The following ZNF251 variants were observed in gnomAD, a reference collection of about 807,000 sequenced individuals.
ZNF251 encodes the protein zinc finger protein 251.
In ZNF251, 14 loss-of-function variants were observed where a neutral mutation model predicts 13.5. That is an observed-to-expected ratio of 1.04 (90% CI 0.69 to 1.63). The LOEUF (loss-of-function observed/expected upper bound fraction) is 1.63. Ranked by LOEUF, ZNF251 falls within the 40% of genes most tolerant of loss-of-function variation. ZNF251 has a pLI of 0.00. For missense variants in ZNF251, 764 were observed against 834.9 expected, an observed-to-expected ratio of 0.92 and a Z score of 1.05; for synonymous variants, 287 against 295.2, an observed-to-expected ratio of 0.97 and a Z score of 0.28.
intron 4 of ZNF251, among the ~76,000 whole-genome samples, chr8:144,744,009 C>CTTTTTTTTTTTT (rs1168495446): frequency 1.1e-5 from 1 of 88,816 alleles, no homozygotes; most frequent in African/African-American, 5.0e-5. Context: ...CTCTCGTTGT[C>CTTTTTTTTTTTT]TTTTTTTTTT....
chr8:144,745,121 T>C (rs1325536940), intron 4 of ZNF251, among the ~76,000 whole-genome samples: 1 of 150,892 alleles, frequency 6.6e-6, no homozygotes, highest in African/African-American at 2.4e-5. Flanking sequence ...GCACTCAGCT[T>C]GTGGTTTTAA....
At chr8:144,730,308 T>C (rs1823656656) in intron 4 of ZNF251, among the ~76,000 whole-genome samples, 1 of 152,214 alleles carries the variant, frequency 6.6e-6, no homozygotes. Flanking sequence ...CGCGTGCCGC[T>C]GCGACGGGGC....
chr8:144,722,058 A>T lies in ZNF251; in HGVS notation c.1602T>A (p.Asp534Glu). 1 of 1,613,726 alleles carries T rather than the reference A, an allele frequency of 6.2e-7. No individual in the cohort carries two copies. Among genetic ancestry groups the T allele is most frequent in the Non-Finnish European group, 8.5e-7 (1 of 1,179,776 alleles). Residue 534 changes from aspartate (D) to glutamate (E), a missense_variant, in exon 5 of 5, where the codon GAT becomes GAA. Asp to Glu is a conservative substitution (Grantham distance 45). Transcript: ENST00000292562. The surrounding 1 kb of genome is among the most constrained non-coding windows in gnomAD (Gnocchi z 4.8). Reference protein sequence around the residue: ...AFVHGSSLTADGQIPTGEKHG... With the variant: ...AFVHGSSLTAEGQIPTGEKHG... Reference sequence around the variant, plus strand: ...GCTTCTCTCCAGTGGGAATCTGTCCATCTGCTGTGAGGCTGGAGCCATGAA... The same window carrying T: ...GCTTCTCTCCAGTGGGAATCTGTCCTTCTGCTGTGAGGCTGGAGCCATGAA...
intron 1 of ZNF251, 153 bp from the exon 2 acceptor site, chr8:144,754,956 C>A: frequency 7.1e-7 from 1 of 1,403,030 alleles, no homozygotes; most frequent in Non-Finnish European, 9.2e-7. Context: ...CTCAGTGACT[C>A]CTGAAATCCC....
rs1392524070 is a variant in ZNF251, at chr8:144,723,266, C to T, written c.394G>A (p.Glu132Lys). ...RLLRDNAQAA[E>K]FREAWGREGK... The stretch of plus-strand genomic sequence containing the variant: ...TCACGGCCCCATGCTTCCCGAAACT[C>T]AGCGGCCTGTGCATTATCCCTTAAG... The change falls in exon 5 of 5, where the codon GAG (glutamate) becomes AAG (lysine). Residue 132 changes from glutamate to lysine, a missense_variant. Transcript: ENST00000292562. 7 of 1,612,948 alleles carry T rather than the reference C, an allele frequency of 4.3e-6. No individual in the cohort carries two copies. The South Asian group carries it at 6.6e-5, about 15-fold the overall frequency.
At chr8:144,738,596 G>C in intron 4 of ZNF251, 2 of 985,446 alleles carry the variant, frequency 2.0e-6, no homozygotes, top group African/African-American at 3.5e-5. Flanking sequence ...TGGCAGCCTC[G>C]TGATGCAACA....
intron 4 of ZNF251, among the ~76,000 whole-genome samples, chr8:144,739,672 G>A (rs1824068799): frequency 6.6e-6 from 1 of 152,096 alleles, no homozygotes; most frequent in African/African-American, 2.4e-5. Context: ...GCCAAGGCAG[G>A]TAAATTGCTT....
At position 144,724,734 on chromosome 8, in the gene ZNF251, A is replaced by G. The variant is rs1029468157; in HGVS notation, c.278-1352T>C. On this transcript the variant is annotated intron_variant, in intron 4 of 4. Transcript: ENST00000292562. Reference sequence around the variant, plus strand: ...AAAACTATTCACATAATGGAATACAATTCTACCATTATTATAATAGAAAGA... The same window carrying G: ...AAAACTATTCACATAATGGAATACAGTTCTACCATTATTATAATAGAAAGA... Among the ~76,000 whole-genome samples, 4 of 152,224 alleles carry G rather than the reference A, an allele frequency of 2.6e-5. No homozygotes were observed. In the East Asian group the frequency reaches 7.7e-4, roughly 29 times the overall value.
intron 4 of ZNF251, among the ~76,000 whole-genome samples, chr8:144,726,004 C>T (rs1476706276): frequency 6.6e-6 from 1 of 151,846 alleles, no homozygotes; most frequent in African/African-American, 2.4e-5. Flanking sequence ...TGAGACCAAC[C>T]TGGCCAACAT....
At chr8:144,753,500 C>A in intron 4 of ZNF251, 183 bp downstream of exon 4, 1 of 554,402 alleles carries the variant, frequency 1.8e-6, no homozygotes, top group Non-Finnish European at 3.2e-6. Flanking sequence ...AAGAAACAGA[C>A]CAGCAAGATA....
chr8:144,753,531 C>A, intron 4 of ZNF251, 152 bp downstream of exon 4: 1 of 592,422 alleles, frequency 1.7e-6, no homozygotes, highest in South Asian at 2.1e-5. Context: ...AGCATGTGCA[C>A]ATGCTCACAT....
intron 4 of ZNF251, among the ~76,000 whole-genome samples, chr8:144,733,603 G>GT (rs1449137061): frequency 6.6e-6 from 1 of 152,108 alleles, no homozygotes; most frequent in Non-Finnish European, 1.5e-5. Context: ...CTCCTTGGAC[G>GT]TGTTTGCTTC....
intron 4 of ZNF251, among the ~76,000 whole-genome samples, chr8:144,751,642 A>T (rs1316101350): frequency 6.6e-6 from 1 of 152,256 alleles, no homozygotes; most frequent in Non-Finnish European, 1.5e-5. Flanking sequence ...GGCCGGAAAG[A>T]GGAATTTAAA....
In ZNF251 at chr8:144,722,079, A is replaced by G; in HGVS notation, c.1581T>C (p.His527=). The G allele has an allele frequency of 6.2e-7, 1 of 1,613,760 alleles. No homozygotes were observed. The highest frequency in any genetic ancestry group is 8.5e-7 in the Non-Finnish European group (1 of 1,179,794). The change falls in exon 5 of 5, where the codon CAT becomes CAC. Residue 527 remains histidine, a synonymous_variant. Coordinates refer to ENST00000292562, the MANE Select transcript of ZNF251 (RefSeq NM_138367.2). The surrounding 1 kb of genome is among the most constrained non-coding windows in gnomAD (Gnocchi z 4.8). The stretch of plus-strand genomic sequence containing the variant: ...GTCCATCTGCTGTGAGGCTGGAGCC[A>G]TGAACAAAGGCTGGACCATGTTTTC... The part of the protein sequence containing the change: ...KCRKHGPAFV[H]GSSLTADGQI...
chr8:144,732,039 T>C (rs1823712902), intron 4 of ZNF251, among the ~76,000 whole-genome samples: 2 of 151,436 alleles, frequency 1.3e-5, no homozygotes, highest in Admixed American at 6.6e-5. Flanking sequence ...GCCTCTCAGG[T>C]TCAAGTGATT....
rs1219882489 is a variant in ZNF251, at chr8:144,755,009, G to C, written c.-75-206C>G. Reference sequence around the variant, plus strand: ...AGCCCGGGGGGATCCAGGGACGCCCGGCTAAGGGGTGAAAGCTGGCAGTTC... The same window carrying C: ...AGCCCGGGGGGATCCAGGGACGCCCCGCTAAGGGGTGAAAGCTGGCAGTTC... On this transcript the variant is annotated intron_variant, in intron 1 of 4. Coordinates refer to ENST00000292562, the MANE Select transcript of ZNF251 (RefSeq NM_138367.2). 4 of 1,386,396 alleles carry C rather than the reference G, an allele frequency of 2.9e-6. No individual in the cohort carries two copies. The African/African-American group carries it at 4.4e-5, about 15-fold the overall frequency. The allele number at this position is 1,386,396 out of a possible 1,614,324, so 85.9% of individuals were successfully genotyped here. A position where few individuals can be genotyped will look rare whatever the true frequency, so the allele number is the denominator to read the frequency against.
chr8:144,752,456 G>C (rs1339481861), intron 4 of ZNF251, among the ~76,000 whole-genome samples: 1 of 152,098 alleles, frequency 6.6e-6, no homozygotes, highest in Non-Finnish European at 1.5e-5. Context: ...CAAAGAAGAA[G>C]TCACAAGAAA....
rs1225607586 is a variant in ZNF251, at chr8:144,734,583, T to G, written c.278-11201A>C. On this transcript the variant is annotated intron_variant, in intron 4 of 4. Transcript: ENST00000292562. This position sits in a 1 kb window ranked among gnomAD's most constrained non-coding sequence, Gnocchi z 4.4. ...AGAAAATGACGGCGCTGGTGGGTGCTGACCCTGGGTCAGTGACCTCCCACA... is the reference window on the plus strand; with the variant it reads ...AGAAAATGACGGCGCTGGTGGGTGCGGACCCTGGGTCAGTGACCTCCCACA... Among the ~76,000 whole-genome samples the G allele has an allele frequency of 6.6e-6, 1 of 152,198 alleles. No homozygotes were observed. Among genetic ancestry groups the G allele is most frequent in the Non-Finnish European group, 1.5e-5 (1 of 68,036 alleles).
At chr8:144,755,136 C>T (rs1824898160) in intron 1 of ZNF251, 1 of 1,205,384 alleles carries the variant, frequency 8.3e-7, no homozygotes, top group Non-Finnish European at 1.0e-6. Context: ...GCAGCCTCAC[C>T]AAGGCTGAGG....
Sources: allele counts gnomAD v4.1 joint callset (sites outside exome capture counted in the v4.1 genomes callset), GRCh38; gene constraint gnomAD v4.1.1; non-coding constraint Gnocchi (gnomAD v3.1); transcripts MANE v1.5; gene names NCBI Gene and HGNC (gene_info 2026-07-23, HGNC 2026-07-21).